Variants in CNOT10 observed in about 807,000 individuals in gnomAD.
The protein encoded by CNOT10 is CCR4-NOT transcription complex, subunit 10.
In CNOT10, 30 loss-of-function variants were observed where a neutral mutation model predicts 94.6. The observed-to-expected ratio is 0.32, with a 90% CI of 0.24 to 0.43. The LOEUF is 0.43. CNOT10 is among the 20% of genes least tolerant of loss of function. The probability of loss-of-function intolerance (pLI) is 1.00; values close to 1 mark genes in which losing one functional copy is unlikely to be tolerated. For synonymous variants in CNOT10, 289 were observed against 301.6 expected (o/e 0.96, Z 0.43); for missense variants, 759 against 877.2 (o/e 0.87, Z 1.70).
At chr3:32,771,775 T>G (rs1285899839) in intron 18 of CNOT10, among the ~76,000 whole-genome samples, 1 of 152,198 alleles carries the variant, frequency 6.6e-6, no homozygotes, top group Non-Finnish European at 1.5e-5. Flanking sequence ...TTAATTATAA[T>G]TAATCACTAT....
Position 32,773,837 on chromosome 3 carries a change from A to AT in CNOT10, c.*227dup, listed in dbSNP as rs763351972. ...ACTATTAATTTTGAGCCATTATGTA[A>AT]TATATGCCATAGGCAATTAAAACAT... On this transcript the variant is annotated 3_prime_UTR_variant, in exon 19 of 19. Transcript: ENST00000328834. The AT allele has an allele frequency of 2.2e-6, 1 of 464,076 alleles. No homozygotes were observed. 28.7% of individuals were successfully genotyped at this position (464,076 alleles called of 1,614,324 possible). A position where few individuals can be genotyped will look rare whatever the true frequency, so the allele number is the denominator to read the frequency against.
At chr3:32,758,817 A>C (rs1575302140) in intron 13 of CNOT10, among the ~76,000 whole-genome samples, 1 of 152,242 alleles carries the variant, frequency 6.6e-6, no homozygotes, top group Non-Finnish European at 1.5e-5. Context: ...TAGCGAAATC[A>C]ATGTAACTTA....
chr3:32,706,007 G>C (rs149278021), intron 3 of CNOT10, among the ~76,000 whole-genome samples: 28 of 152,252 alleles, frequency 1.8e-4, no homozygotes, highest in African/African-American at 6.3e-4. Context: ...TCTTGAGGCA[G>C]TAGGTGCTTA....
chr3:32,720,292 T>C, intron 8 of CNOT10, 61 bp downstream of exon 8: 1 of 728,842 alleles, frequency 1.4e-6, no homozygotes, highest in Non-Finnish European at 2.4e-6. Context: ...CCTTCTTGCT[T>C]GTCCACCTCC....
chr3:32,773,607 A>G lies in CNOT10; in HGVS notation c.2231A>G (p.Lys744Arg). 6.2e-7 allele frequency: 1 copy of G among 1,605,770 alleles called. No individual in the cohort carries two copies. Among genetic ancestry groups the G allele is most frequent in the South Asian group, 1.1e-5 (1 of 89,184 alleles). ...CCGGCTTTCACCACTGTGCAGAGAAAGTGATACTTCACTTTTGGAAAACTG... is the reference window on the plus strand; with the variant it reads ...CCGGCTTTCACCACTGTGCAGAGAAGGTGATACTTCACTTTTGGAAAACTG... ...QMPAFTTVQR[K>R] Residue 744 changes from lysine to arginine, a missense_variant, in exon 19 of 19, where the codon AAG (lysine) becomes AGG (arginine). Lys to Arg is a conservative substitution (Grantham distance 26). Transcript: ENST00000328834.
chr3:32,719,180 C>T (rs1025749768), intron 7 of CNOT10, among the ~76,000 whole-genome samples: 4 of 152,120 alleles, frequency 2.6e-5, no homozygotes, highest in East Asian at 3.9e-4. Flanking sequence ...ACCCGGGAGG[C>T]GGAGGTTGCA....
chr3:32,743,306 A>G (rs1048903355), intron 13 of CNOT10, among the ~76,000 whole-genome samples: 8 of 151,762 alleles, frequency 5.3e-5, no homozygotes, highest in Admixed American at 5.3e-4. Flanking sequence ...TAATCTTAGG[A>G]TTGCTCTATT....
chr3:32,731,018 C>G (rs1359584095), intron 10 of CNOT10: 3 of 152,244 alleles, frequency 2.0e-5, no homozygotes, highest in Non-Finnish European at 4.4e-5. Context: ...ATCTTCGTAT[C>G]TAGCCATTTG....
At chr3:32,734,337 A>G (rs1379377215) in intron 11 of CNOT10, among the ~76,000 whole-genome samples, 1 of 152,252 alleles carries the variant, frequency 6.6e-6, no homozygotes, top group Non-Finnish European at 1.5e-5. Flanking sequence ...CAATGAAATT[A>G]TAAGACAAAA....
Position 32,720,174 on chromosome 3 carries a change from G to T in CNOT10, c.805G>T (p.Ala269Ser), listed in dbSNP as rs1559490952. The stretch of plus-strand genomic sequence containing the variant: ...GTACTTAAGAGGTAATTATCGAAAA[G>T]CCGTGAAGCTATTAAATAGTTCAAA... Reference protein sequence around the residue: ...FEYLRGNYRKAVKLLNSSNIA... With the variant: ...FEYLRGNYRKSVKLLNSSNIA... The change falls in exon 8 of 19, where the codon GCC becomes TCC. Residue 269 changes from alanine to serine, a missense_variant. This residue lies in a region of CNOT10 where 682 missense variants were observed against 799.4 expected (regional missense o/e 0.85). Coordinates refer to ENST00000328834, the MANE Select transcript of CNOT10 (RefSeq NM_015442.3). 6 of 1,559,312 alleles carry T rather than the reference G, an allele frequency of 3.8e-6. No homozygotes were observed. Among genetic ancestry groups the T allele is most frequent in the Non-Finnish European group, 4.4e-6 (5 of 1,140,702 alleles).
At chr3:32,753,935 CA>C in intron 13 of CNOT10, 1 of 1,042,986 alleles carries the variant, frequency 9.6e-7, no homozygotes, top group Admixed American at 2.3e-5. Context: ...CACACACACA[CA>C]AAATATAAAA....
At chr3:32,728,746 C>G (rs537004082) in intron 10 of CNOT10, among the ~76,000 whole-genome samples, 1 of 152,234 alleles carries the variant, frequency 6.6e-6, no homozygotes, top group Admixed American at 6.5e-5. Context: ...GCTAGCTGCT[C>G]CAGGGGTCAG....
intron 15 of CNOT10, among the ~76,000 whole-genome samples, chr3:32,763,393 G>A (rs1227665997): frequency 1.3e-5 from 2 of 152,190 alleles, no homozygotes; most frequent in Non-Finnish European, 2.9e-5. Context: ...GCTCACACCT[G>A]TAATCCCAAC....
At chr3:32,712,901 A>G (rs920829655) in intron 4 of CNOT10, among the ~76,000 whole-genome samples, 7 of 152,232 alleles carry the variant, frequency 4.6e-5, no homozygotes, top group Non-Finnish European at 1.0e-4. Flanking sequence ...ATTTCAGGTT[A>G]GGAATGCACA....
In CNOT10 at chr3:32,695,697, A is replaced by G. The variant is rs1353274377; in HGVS notation, c.23-8171A>G. On this transcript the variant is annotated intron_variant, in intron 1 of 18. Transcript: ENST00000328834. ...GCTCTGTACGCATAGAAGGTCAGCC[A>G]TGTTCATTAGGCCAGAGTAGAAGGA... The G allele has an allele frequency of 1.2e-5, 18 of 1,536,048 alleles. No homozygotes were observed. In the South Asian group the frequency reaches 1.8e-4, roughly 15 times the overall value.
At chr3:32,740,033 G>A (rs76688357) in intron 13 of CNOT10, among the ~76,000 whole-genome samples, 5,983 of 152,310 alleles carry the variant, frequency 0.039, 185 homozygotes, top group African/African-American at 0.079. Flanking sequence ...GGAGGTCATG[G>A]CTGCAGTAAG....
At chr3:32,705,835 C>T (rs1168830838) in intron 3 of CNOT10, among the ~76,000 whole-genome samples, 1 of 152,148 alleles carries the variant, frequency 6.6e-6, no homozygotes, top group Non-Finnish European at 1.5e-5. Flanking sequence ...CAAGTTGTCC[C>T]TTCAGGCTCT....
intron 13 of CNOT10, among the ~76,000 whole-genome samples, chr3:32,749,567 C>T (rs961628351): frequency 1.3e-5 from 2 of 151,924 alleles, no homozygotes; most frequent in Non-Finnish European, 2.9e-5. Context: ...TGTGCCACCA[C>T]ACCTGGCTAA....
At chr3:32,734,671 A>G in intron 11 of CNOT10, 129 bp from the exon 12 acceptor site, 1 of 706,532 alleles carries the variant, frequency 1.4e-6, no homozygotes, top group Middle Eastern at 3.8e-4. Flanking sequence ...ATAACTGCTT[A>G]TATTAAAATT....
Sources: gnomAD v4.1 joint callset for allele counts (sites outside exome capture counted in the v4.1 genomes callset) on GRCh38, gnomAD v4.1.1 for gene constraint, gnomAD v4.1.1 regional missense constraint, MANE v1.5 for transcripts, NCBI Gene and HGNC (gene_info 2026-07-23, HGNC 2026-07-21) for gene names.